FGF13: variants seen among roughly 807,000 people sequenced by gnomAD.
The protein encoded by FGF13 is fibroblast growth factor homologous factor 2.
A neutral mutation model predicts 19.5 loss-of-function variants in FGF13; 2 were observed. The observed-to-expected ratio is 0.10, with a 90% CI of 0.04 to 0.32. FGF13 has a LOEUF of 0.32. FGF13 is among the 10% of genes least tolerant of loss of function. The probability of loss-of-function intolerance (pLI) is 1.00; values close to 1 mark genes in which losing one functional copy is unlikely to be tolerated. For synonymous variants in FGF13, 72 were observed against 76.9 expected (o/e 0.94, Z 0.33); for missense variants, 113 against 192.7 (o/e 0.59, Z 2.45).
At chrX:138,922,159 AC>A (rs370135282) in intron 1 of FGF13, among the ~76,000 whole-genome samples, 6 of 21,085 alleles carry the variant, frequency 2.8e-4, no homozygotes, top group African/African-American at 7.2e-4. Context: ...ATTTTCTCAC[AC>A]AAAAAAAATG....
At chrX:139,042,360 G>T (rs771635494) in intron 1 of FGF13, among the ~76,000 whole-genome samples, 6 of 111,652 alleles carry the variant, frequency 5.4e-5, no homozygotes, top group Non-Finnish European at 9.4e-5. Context: ...AGAATGGAGT[G>T]CTGTGTTGGT....
At chrX:138,826,944 T>G (rs890628512) in intron 3 of FGF13, among the ~76,000 whole-genome samples, 3 of 112,102 alleles carry the variant, frequency 2.7e-5, no homozygotes, top group Non-Finnish European at 5.6e-5. Context: ...CACAGTAAAC[T>G]GAAAGACAAG....
chrX:138,752,868 C>T (rs954940819), intron 3 of FGF13, among the ~76,000 whole-genome samples: 1 of 111,991 alleles, frequency 8.9e-6, no homozygotes, highest in African/African-American at 3.2e-5. Context: ...TGAGGCCATT[C>T]CTCATTGTCA....
chrX:138,707,694 A>G (rs959802806), intron 2 of FGF13, among the ~76,000 whole-genome samples: 1 of 112,015 alleles, frequency 8.9e-6, no homozygotes, highest in Non-Finnish European at 1.9e-5. Context: ...ACAGTGAAGA[A>G]CCATTCAGTA....
chrX:138,676,276 C>T lies in FGF13; in HGVS notation c.402+26708G>A, dbSNP rs960363485. On this transcript the variant is annotated intron_variant, in intron 3 of 4. Coordinates refer to ENST00000315930, the MANE Select transcript of FGF13 (RefSeq NM_004114.5). Reference sequence around the variant, plus strand: ...TCCACAGCTACCTCATGCCTGGCCCCACCAAGCCTACAAGGTCTGTTAGCC... The same window carrying T: ...TCCACAGCTACCTCATGCCTGGCCCTACCAAGCCTACAAGGTCTGTTAGCC... Among the ~76,000 whole-genome samples the T allele has an allele frequency of 4.5e-5, 5 of 110,741 alleles. No individual in the cohort carries two copies. In the East Asian group the frequency reaches 1.4e-3, roughly 32 times the overall value.
chrX:138,952,396 C>G (rs2091817949), intron 1 of FGF13, among the ~76,000 whole-genome samples: 1 of 111,821 alleles, frequency 8.9e-6, no homozygotes, highest in Non-Finnish European at 1.9e-5. Flanking sequence ...GAAACTGGAT[C>G]CCTTCCTTAC....
At chrX:139,088,792 CAT>C (rs2083420993) in intron 1 of FGF13, among the ~76,000 whole-genome samples, 1 of 111,630 alleles carries the variant, frequency 9.0e-6, no homozygotes, top group Non-Finnish European at 1.9e-5. Flanking sequence ...CCACAAAACT[CAT>C]ATGTTGAAAT....
chrX:139,045,864 A>G (rs1477689091), intron 1 of FGF13, among the ~76,000 whole-genome samples: 1 of 111,683 alleles, frequency 9.0e-6, no homozygotes, highest in Non-Finnish European at 1.9e-5. Flanking sequence ...ACCAGTCTCG[A>G]GGAAGTTCCA....
rs2083588037 is a variant in FGF13, at chrX:139,109,790, T to C, written c.-113+93626A>G. On this transcript the variant is annotated intron_variant, in intron 1 of 2. Transcript: ENST00000421460. The stretch of plus-strand genomic sequence containing the variant: ...ACAGTAGCTCTTCTTTAGGGTGCCC[T>C]ATACAAATCAACCTAAGGAGACCTT... 7.2e-5 allele frequency among the ~76,000 whole-genome samples: 8 copies of C among 111,858 alleles called. No individual in the cohort carries two copies. The Admixed American group carries it at 7.6e-4, about 11-fold the overall frequency.
chrX:139,195,934 C>G (rs1378136961), intron 1 of FGF13, among the ~76,000 whole-genome samples: 2 of 111,566 alleles, frequency 1.8e-5, no homozygotes, highest in Non-Finnish European at 3.8e-5. Flanking sequence ...TCTTTCATCA[C>G]GATTAATATA....
Position 138,708,371 on chromosome X carries a change from A to C in FGF13, c.298+447T>G, listed in dbSNP as rs1178329114. Among the ~76,000 whole-genome samples, 4 of 111,901 alleles carry C rather than the reference A, an allele frequency of 3.6e-5. No homozygotes were observed. In the Admixed American group the frequency reaches 3.8e-4, roughly 11 times the overall value. Reference sequence around the variant, plus strand: ...TTAAAATTCCACTAGTCTCAGAGTTATCAGTGTGTGTGTGGAGCAGGGAGC... The same window carrying C: ...TTAAAATTCCACTAGTCTCAGAGTTCTCAGTGTGTGTGTGGAGCAGGGAGC... On this transcript the variant is annotated intron_variant, in intron 2 of 4. Coordinates refer to ENST00000315930, the MANE Select transcript of FGF13 (RefSeq NM_004114.5).
chrX:138,771,791 A>T (rs917160651), intron 3 of FGF13, among the ~76,000 whole-genome samples: 5 of 109,952 alleles, frequency 4.5e-5, no homozygotes, highest in Non-Finnish European at 9.5e-5. Flanking sequence ...TAGAACACCA[A>T]GGTGTCACTG....
At chrX:138,865,610 G>A (rs2091318924) in intron 1 of FGF13, among the ~76,000 whole-genome samples, 1 of 109,690 alleles carries the variant, frequency 9.1e-6, no homozygotes, top group South Asian at 4.0e-4. Flanking sequence ...CAGTGGCGCT[G>A]TTCACTGTGT....
chrX:138,916,672 A>C (rs978789119), intron 1 of FGF13, among the ~76,000 whole-genome samples: 2 of 112,593 alleles, frequency 1.8e-5, no homozygotes, highest in African/African-American at 6.5e-5. Flanking sequence ...ATCACATTCT[A>C]CATGCTATTC....
At chrX:138,755,989 G>A (rs1313399683) in intron 3 of FGF13, among the ~76,000 whole-genome samples, 9 of 111,599 alleles carry the variant, frequency 8.1e-5, no homozygotes, top group Non-Finnish European at 1.5e-4. Context: ...GAAGATATTA[G>A]GACATACAAA....
chrX:139,128,229 A>T (rs1461273296), intron 1 of FGF13, among the ~76,000 whole-genome samples: 1 of 110,319 alleles, frequency 9.1e-6, no homozygotes, highest in Non-Finnish European at 1.9e-5. Flanking sequence ...CAAACCCAGT[A>T]ACTTGTTTCT....
At chrX:138,719,818 C>T (rs1253591561) in intron 1 of FGF13, among the ~76,000 whole-genome samples, 1 of 112,763 alleles carries the variant, frequency 8.9e-6, no homozygotes, top group Non-Finnish European at 1.9e-5. Flanking sequence ...GTACAGTCAA[C>T]AGACTGAAAT....
At chrX:138,819,198 G>A (rs1416167073) in intron 3 of FGF13, among the ~76,000 whole-genome samples, 1 of 110,995 alleles carries the variant, frequency 9.0e-6, no homozygotes, top group Non-Finnish European at 1.9e-5. Flanking sequence ...CCTTTTTGAG[G>A]CTCAATATCC....
intron 3 of FGF13, among the ~76,000 whole-genome samples, chrX:138,824,191 G>A (rs762029281): frequency 1.2e-4 from 13 of 111,886 alleles, no homozygotes; most frequent in Non-Finnish European, 2.3e-4. Context: ...GGAATGGGAT[G>A]GAGGCTGACT....
Sources: allele counts gnomAD v4.1 joint callset (sites outside exome capture counted in the v4.1 genomes callset), GRCh38; gene constraint gnomAD v4.1.1; transcripts MANE v1.5; gene names NCBI Gene and HGNC (gene_info 2026-07-23, HGNC 2026-07-21).